PRKG1: variants seen among roughly 807,000 people sequenced by gnomAD.
PRKG1 encodes cGMP-dependent protein kinase 1.
In PRKG1, 35 loss-of-function variants were observed where a neutral mutation model predicts 88.1. The observed-to-expected ratio is 0.40, with a 90% CI of 0.30 to 0.53. The LOEUF (loss-of-function observed/expected upper bound fraction) is 0.53. Among genes scored for constraint, PRKG1 ranks in the 20% least tolerant of loss-of-function variants. The pLI is 0.59. For missense variants in PRKG1, 540 were observed against 839.8 expected (o/e 0.64, Z 4.41); for synonymous variants, 303 against 292.5 (o/e 1.04, Z -0.37).
At chr10:51,699,433 A>T in intron 3 of PRKG1, 1 of 1,613,852 alleles carries the variant, frequency 6.2e-7, no homozygotes. Flanking sequence ...CAACAGAACC[A>T]ACCTCCGAGA....
intron 3 of PRKG1, among the ~76,000 whole-genome samples, chr10:51,499,385 G>A (rs547694039): frequency 2.0e-4 from 30 of 152,238 alleles, no homozygotes; most frequent in South Asian, 1.0e-3. Context: ...GAAAATAAGC[G>A]TAAGAAAGAT....
At chr10:52,041,775 A>C (rs1029302006) in intron 5 of PRKG1, among the ~76,000 whole-genome samples, 6 of 152,114 alleles carry the variant, frequency 3.9e-5, no homozygotes, top group African/African-American at 1.2e-4. Context: ...TATTCATAAT[A>C]ATTTCTTGTG....
At position 51,287,168 on chromosome 10, in the gene PRKG1, C is replaced by T. The variant is rs563937684; in HGVS notation, c.478+133838C>T. Among the ~76,000 whole-genome samples the T allele has an allele frequency of 2.6e-5, 4 of 152,292 alleles. No homozygotes were observed. The South Asian group carries it at 6.2e-4, about 24-fold the overall frequency. Reference sequence around the variant, plus strand: ...CTGGTATTACACGTATAAGCCACTGCGCCTGGCCCTATTTACATAGCCTTA... The same window carrying T: ...CTGGTATTACACGTATAAGCCACTGTGCCTGGCCCTATTTACATAGCCTTA... On this transcript the variant is annotated intron_variant, in intron 2 of 17. Coordinates refer to ENST00000373980, the MANE Select transcript of PRKG1 (RefSeq NM_006258.4).
chr10:51,206,701 G>C (rs919132185), intron 2 of PRKG1, among the ~76,000 whole-genome samples: 1 of 152,126 alleles, frequency 6.6e-6, no homozygotes, highest in African/African-American at 2.4e-5. Context: ...TCTTTGCCTT[G>C]ATCACTCTTG....
chr10:51,351,403 C>T (rs1464980172), intron 2 of PRKG1, among the ~76,000 whole-genome samples: 2 of 152,178 alleles, frequency 1.3e-5, no homozygotes, highest in Non-Finnish European at 2.9e-5. Context: ...TATTTCTCCA[C>T]ATCCTCTCCA....
chr10:51,511,103 A>T, intron 3 of PRKG1, among the ~76,000 whole-genome samples: 1 of 152,258 alleles, frequency 6.6e-6, no homozygotes, highest in South Asian at 2.1e-4. Flanking sequence ...TATATAGTTT[A>T]AAAATGAGCT....
intron 9 of PRKG1, among the ~76,000 whole-genome samples, chr10:52,237,317 A>G (rs1487954403): frequency 2.8e-5 from 4 of 144,564 alleles, no homozygotes; most frequent in East Asian, 2.0e-4. Flanking sequence ...AGTTATGGCC[A>G]GGGCAATTAG....
intron 1 of PRKG1, among the ~76,000 whole-genome samples, chr10:51,109,373 G>A (rs184808984): frequency 5.9e-5 from 9 of 152,102 alleles, no homozygotes; most frequent in African/African-American, 2.2e-4. Flanking sequence ...CATAAATATA[G>A]GCAAATAGAA....
intron 1 of PRKG1, among the ~76,000 whole-genome samples, chr10:51,064,531 TA>T (rs1480185360): frequency 6.6e-6 from 1 of 152,062 alleles, no homozygotes; most frequent in East Asian, 1.9e-4. Context: ...GACTCTTTAA[TA>T]GATAAGGATT....
chr10:51,790,199 T>C (rs868122838), intron 3 of PRKG1, among the ~76,000 whole-genome samples: 5 of 152,314 alleles, frequency 3.3e-5, no homozygotes, highest in Non-Finnish European at 5.9e-5. Flanking sequence ...ATGCTTCTTT[T>C]ATTCCTCAGA....
intron 2 of PRKG1, among the ~76,000 whole-genome samples, chr10:51,438,987 A>G (rs1839015133): frequency 6.7e-6 from 1 of 150,008 alleles, no homozygotes; most frequent in Admixed American, 6.7e-5. Context: ...ACCTGGAACC[A>G]ACAACTAATT....
At chr10:51,770,795 T>A (rs1053727609) in intron 3 of PRKG1, among the ~76,000 whole-genome samples, 3 of 152,100 alleles carry the variant, frequency 2.0e-5, no homozygotes, top group African/African-American at 7.2e-5. Flanking sequence ...AGGAAAGTGG[T>A]CCCCGGTGAC....
In PRKG1 at chr10:52,037,684, G is replaced by A. The variant is rs531052253; in HGVS notation, c.763-16800G>A. ...TTTTTAAGAGTAAATTGCTGGGCAG[G>A]AGGGGGAGGGCTAGTCATGGAACGA... is the stretch of plus-strand genomic sequence containing the variant. On this transcript the variant is annotated intron_variant, in intron 5 of 17. Transcript: ENST00000373980. Among the ~76,000 whole-genome samples the A allele has an allele frequency of 1.4e-4, 22 of 152,304 alleles. No homozygotes were observed. In the East Asian group the frequency reaches 4.3e-3, roughly 30 times the overall value.
intron 1 of PRKG1, among the ~76,000 whole-genome samples, chr10:51,149,668 C>T (rs1846018959): frequency 6.6e-6 from 1 of 152,098 alleles, no homozygotes; most frequent in South Asian, 2.1e-4. Flanking sequence ...TTAAGTTACA[C>T]TAAATTCTTA....
chr10:51,521,971 T>C (rs1176091436), intron 3 of PRKG1, among the ~76,000 whole-genome samples: 1 of 152,182 alleles, frequency 6.6e-6, no homozygotes, highest in African/African-American at 2.4e-5. Flanking sequence ...TAATACAGCA[T>C]GGGAGTCAGA....
intron 2 of PRKG1, among the ~76,000 whole-genome samples, chr10:51,406,836 G>A (rs1837933331): frequency 6.6e-6 from 1 of 152,154 alleles, no homozygotes. Context: ...TAGGAAATAT[G>A]TATATGTATA....
intron 5 of PRKG1, among the ~76,000 whole-genome samples, chr10:51,955,904 G>A (rs142556288): frequency 6.6e-6 from 1 of 152,116 alleles, no homozygotes; most frequent in South Asian, 2.1e-4. Context: ...CTTCAATAGC[G>A]ACCATTCTTC....
chr10:52,054,864 A>G (rs775981121), intron 6 of PRKG1, among the ~76,000 whole-genome samples: 15 of 152,124 alleles, frequency 9.9e-5, no homozygotes, highest in Non-Finnish European at 1.6e-4. Context: ...GCTGGATGTG[A>G]TGGCTCATGC....
chr10:52,232,045 G>A (rs1207711306), intron 9 of PRKG1, among the ~76,000 whole-genome samples: 1 of 152,190 alleles, frequency 6.6e-6, no homozygotes, highest in Non-Finnish European at 1.5e-5. Context: ...CTGTAAGAAT[G>A]TTGTTTCTAC....
Sources: gnomAD v4.1 joint callset for allele counts (sites outside exome capture counted in the v4.1 genomes callset) on GRCh38, gnomAD v4.1.1 for gene constraint, MANE v1.5 for transcripts, NCBI Gene and HGNC (gene_info 2026-07-23, HGNC 2026-07-21) for gene names.